The following SLC4A10 variants were observed in gnomAD, a reference collection of about 807,000 sequenced individuals.
SLC4A10 encodes solute carrier family 4 member 10.
In SLC4A10, 42 loss-of-function variants were observed where a neutral mutation model predicts 137.7. That is an observed-to-expected ratio of 0.30 (90% confidence interval 0.24 to 0.39). The LOEUF is 0.39. SLC4A10 is among the 10% of genes least tolerant of loss of function. The pLI, the probability that SLC4A10 is intolerant of heterozygous loss-of-function variation, is 1.00. For missense variants in SLC4A10, 925 were observed against 1,355.0 expected (o/e 0.68, Z 4.98); for synonymous variants, 474 against 464.1 (o/e 1.02, Z -0.27).
At chr2:161,926,939 G>A (rs1170402523) in intron 15 of SLC4A10, among the ~76,000 whole-genome samples, 1 of 152,040 alleles carries the variant, frequency 6.6e-6, no homozygotes, top group African/African-American at 2.4e-5. Context: ...CTGTTAGTCT[G>A]ATGGGCTTCC....
intron 1 of SLC4A10, among the ~76,000 whole-genome samples, chr2:161,692,715 A>G (rs2042114680): frequency 6.6e-6 from 1 of 152,078 alleles, no homozygotes; most frequent in African/African-American, 2.4e-5. Context: ...GGCATTGAGC[A>G]CTCGATCTAA....
At chr2:161,855,270 T>C (rs949191591) in intron 5 of SLC4A10, 140 bp downstream of exon 5, 7 of 732,164 alleles carry the variant, frequency 9.6e-6, no homozygotes, top group Non-Finnish European at 1.2e-5. Context: ...AGTCATTTTC[T>C]TTTACCCTGT....
chr2:161,681,052 A>G (rs959484595), intron 1 of SLC4A10, among the ~76,000 whole-genome samples: 7 of 152,196 alleles, frequency 4.6e-5, no homozygotes, highest in Admixed American at 3.9e-4. Context: ...GGCTTACCCA[A>G]TGTAACTCAA....
rs141179710 is a variant in SLC4A10 at position 161,873,438 on chromosome 2, G to A, written c.859-478G>A. 1.3e-3 allele frequency among the ~76,000 whole-genome samples: 197 copies of A among 151,130 alleles called. 4 individuals are homozygous for A. The highest frequency in any genetic ancestry group is 0.011 in the East Asian group (56 of 5,014). On this transcript the variant is annotated intron_variant, in intron 7 of 26. Coordinates refer to ENST00000446997, the MANE Select transcript of SLC4A10 (RefSeq NM_001178015.2). ...TCCAGCCACTTGGGAGGCTGAGGTG[G>A]GAGGATTGCTTGAGCCTAGGAGGCA... is the stretch of plus-strand genomic sequence containing the variant.
intron 3 of SLC4A10, among the ~76,000 whole-genome samples, chr2:161,832,862 T>A (rs1354797010): frequency 6.6e-6 from 1 of 152,176 alleles, no homozygotes; most frequent in Non-Finnish European, 1.5e-5. Context: ...TGCCTCTGCC[T>A]CCCGAATAGC....
Position 161,858,956 on chromosome 2 carries a change from G to T in SLC4A10, c.577+3826G>T, listed in dbSNP as rs184521633. ...ACCTGCCTATACTGTGACAATCCTT[G>T]GTCTGAAAAGTAAGTATTCTATTAC... is the stretch of plus-strand genomic sequence containing the variant. On this transcript the variant is annotated intron_variant, in intron 5 of 26. Coordinates refer to ENST00000446997, the MANE Select transcript of SLC4A10 (RefSeq NM_001178015.2). Among the ~76,000 whole-genome samples the T allele has an allele frequency of 1.7e-4, 26 of 152,178 alleles. 1 individual carries two copies. In the East Asian group the frequency reaches 5.0e-3, roughly 29 times the overall value.
At chr2:161,968,694 A>G (rs1268100306) in intron 23 of SLC4A10, among the ~76,000 whole-genome samples, 1 of 152,228 alleles carries the variant, frequency 6.6e-6, no homozygotes, top group African/African-American at 2.4e-5. Context: ...ATTGAACAAT[A>G]AAATATAGCT....
intron 1 of SLC4A10, among the ~76,000 whole-genome samples, chr2:161,733,309 C>T (rs1017638173): frequency 6.6e-6 from 1 of 152,178 alleles, no homozygotes; most frequent in South Asian, 2.1e-4. Flanking sequence ...GGACTTCATG[C>T]CCTGCGTTCC....
At chr2:161,891,567 T>C (rs1025805536) in intron 10 of SLC4A10, among the ~76,000 whole-genome samples, 1 of 152,026 alleles carries the variant, frequency 6.6e-6, no homozygotes, top group Non-Finnish European at 1.5e-5. Flanking sequence ...TCTAATATCC[T>C]TTCTTCCGCT....
chr2:161,836,514 AAGAAAGAGAGAGAGAGAGAAAG>A lies in SLC4A10; in HGVS notation c.278-3273_278-3252del, dbSNP rs1559358564. 3.5e-3 allele frequency among the ~76,000 whole-genome samples: 471 copies of A among 135,644 alleles called. 5 individuals are homozygous for A. Among genetic ancestry groups the A allele is most frequent in the African/African-American group, 0.012 (379 of 32,366 alleles). The allele number at this position is 135,644 out of a possible 152,430, so 89.0% of individuals were successfully genotyped here. On this transcript the variant is annotated intron_variant, in intron 3 of 26. Coordinates refer to ENST00000446997, the MANE Select transcript of SLC4A10 (RefSeq NM_001178015.2). ...GAAAGAAAAGGAAGAAAAAGAAAGA[AAGAAAGAGAGAGAGAGAGAAAG>A]AAAGAAAGAAAGAAAGAAAGAAAGA... is the stretch of plus-strand genomic sequence containing the variant.
intron 1 of SLC4A10, among the ~76,000 whole-genome samples, chr2:161,746,194 T>C (rs771889129): frequency 2.0e-5 from 3 of 152,138 alleles, no homozygotes; most frequent in African/African-American, 4.8e-5. Flanking sequence ...TTCTGACCCA[T>C]GGTGGATCTA....
chr2:161,968,664 C>T (rs12986853), intron 23 of SLC4A10, among the ~76,000 whole-genome samples: 48,705 of 151,942 alleles, frequency 0.32, 9,035 homozygotes, highest in Admixed American at 0.42. Flanking sequence ...ATCAATAATA[C>T]AGTCAAGAAA....
intron 1 of SLC4A10, among the ~76,000 whole-genome samples, chr2:161,697,533 G>T (rs964852517): frequency 1.3e-5 from 2 of 152,046 alleles, no homozygotes; most frequent in African/African-American, 4.8e-5. Context: ...TGGCTAGCCC[G>T]TTTTCCCAGC....
chr2:161,656,189 T>C (rs987146122), intron 1 of SLC4A10, among the ~76,000 whole-genome samples: 4 of 152,146 alleles, frequency 2.6e-5, no homozygotes, highest in Admixed American at 6.5e-5. Context: ...CACAAATCAA[T>C]AAACGTGATA....
intron 1 of SLC4A10, among the ~76,000 whole-genome samples, chr2:161,716,829 C>T (rs993133984): frequency 2.6e-5 from 4 of 151,836 alleles, no homozygotes; most frequent in Non-Finnish European, 4.4e-5. Flanking sequence ...AATTTTTTTT[C>T]TAATTCTGTG....
Position 161,669,644 on chromosome 2 carries a change from T to C in SLC4A10, c.48+45078T>C, listed in dbSNP as rs576974060. ...AAATTGTTAATAAAATCATGTGGTA[T>C]ATAAACATAGAGCATAGTTGATATT... is the stretch of plus-strand genomic sequence containing the variant. On this transcript the variant is annotated intron_variant, in intron 1 of 26. Transcript: ENST00000446997. Among the ~76,000 whole-genome samples, 11 of 152,166 alleles carry C rather than the reference T, an allele frequency of 7.2e-5. No homozygotes were observed. In the South Asian group the frequency reaches 1.0e-3, roughly 14 times the overall value.
chr2:161,666,848 A>T (rs942405303), intron 1 of SLC4A10, among the ~76,000 whole-genome samples: 7 of 34,386 alleles, frequency 2.0e-4, no homozygotes, highest in Non-Finnish European at 6.6e-4. Context: ...AATGATTTTT[A>T]AAATGCCATG....
chr2:161,965,398 T>C (rs1697409421), intron 23 of SLC4A10, among the ~76,000 whole-genome samples: 1 of 152,194 alleles, frequency 6.6e-6, no homozygotes, highest in Non-Finnish European at 1.5e-5. Context: ...TAATGAAATA[T>C]GGAAATACTT....
intron 1 of SLC4A10, among the ~76,000 whole-genome samples, chr2:161,746,885 T>C (rs2048442222): frequency 6.6e-6 from 1 of 152,148 alleles, no homozygotes; most frequent in Non-Finnish European, 1.5e-5. Context: ...GTCGAGAAGC[T>C]ACGGCCTGGA....
Sources: allele counts gnomAD v4.1 joint callset (sites outside exome capture counted in the v4.1 genomes callset), GRCh38; gene constraint gnomAD v4.1.1; transcripts MANE v1.5; gene names NCBI Gene and HGNC (gene_info 2026-07-23, HGNC 2026-07-21).